Variants in A2ML1 observed in about 807,000 individuals in gnomAD.
The protein encoded by A2ML1 is alpha-2-macroglobulin-like protein 1.
In A2ML1, 161 loss-of-function variants were observed where a neutral mutation model predicts 181.9. The observed-to-expected ratio is 0.89, with a 90% CI of 0.78 to 1.01. The LOEUF (loss-of-function observed/expected upper bound fraction) is 1.01, where lower values mean the gene tolerates loss of function less well. Among genes scored for constraint, A2ML1 ranks in the 50% least tolerant of loss-of-function variants. A2ML1 has a pLI of 0.00. For synonymous variants in A2ML1, 663 were observed against 666.8 expected (o/e 0.99, Z 0.09); for missense variants, 1,670 against 1,768.1 (o/e 0.94, Z 1.00).
At chr12:8,844,720 T>C (rs1000898931) in intron 12 of A2ML1, among the ~76,000 whole-genome samples, 4 of 151,890 alleles carry the variant, frequency 2.6e-5, no homozygotes, top group Admixed American at 2.0e-4. Context: ...AAAATCATCC[T>C]AATACAACGA....
chr12:8,860,671 G>A (rs1320938608), intron 26 of A2ML1, among the ~76,000 whole-genome samples: 1 of 152,098 alleles, frequency 6.6e-6, no homozygotes, highest in Non-Finnish European at 1.5e-5. Flanking sequence ...GCTGTTTAAG[G>A]CTGTGCAGTT....
intron 15 of A2ML1, among the ~76,000 whole-genome samples, chr12:8,848,063 G>A (rs764656661): frequency 1.3e-5 from 2 of 150,026 alleles, no homozygotes; most frequent in Non-Finnish European, 3.0e-5. Context: ...AGAATCACTT[G>A]AACCTGGGAG....
rs1283152406 is a variant in A2ML1 at position 8,860,057 on chromosome 12, T to C, written c.3265-824T>C. ...TTTATTTATTTACTTATTCATTTTT[T>C]TGAGACAGGGTCTCACTCTGTCACC... is the stretch of plus-strand genomic sequence containing the variant. On this transcript the variant is annotated intron_variant, in intron 26 of 35. Coordinates refer to ENST00000299698, the MANE Select transcript of A2ML1 (RefSeq NM_144670.6). Among the ~76,000 whole-genome samples, 6 of 152,268 alleles carry C rather than the reference T, an allele frequency of 3.9e-5. No homozygotes were observed. The East Asian group carries it at 1.2e-3, about 29-fold the overall frequency.
chr12:8,836,140 C>T (rs1943267493), intron 6 of A2ML1, 115 bp from the exon 7 acceptor site: 4 of 717,738 alleles, frequency 5.6e-6, no homozygotes. Context: ...CTAAATAATG[C>T]CTCCTTCATT....
rs1023528387 is a variant in A2ML1, at chr12:8,823,516, A to G, written c.246+151A>G. The G allele has an allele frequency of 1.9e-5, 21 of 1,081,548 alleles. No homozygotes were observed. In the East Asian group the frequency reaches 3.4e-4, roughly 17 times the overall value. 67.0% of individuals were successfully genotyped at this position (1,081,548 alleles called of 1,614,324 possible). On this transcript the variant is annotated intron_variant, in intron 2 of 35. Transcript: ENST00000299698. ...CAACTTAACCTCAATCCCCGGCTAT[A>G]ACTCACCCACGGTTTCCTCGACCTA...
chr12:8,857,175 G>T lies in A2ML1; in HGVS notation c.2860G>T (p.Gly954Cys). The T allele has an allele frequency of 6.2e-7, 1 of 1,611,972 alleles. No individual in the cohort carries two copies. The highest frequency in any genetic ancestry group is 8.5e-7 in the Non-Finnish European group (1 of 1,179,776). ...CTTTTGGATCCCAGGAGACATTATG[G>T]GCACAGCCCTGCAGAACCTGGATGG... ...AYVTVLGDIM[G>C]TALQNLDGLV... Residue 954 changes from glycine (G) to cysteine (C), a missense_variant, in exon 24 of 36, where the codon GGC becomes TGC. Gly to Cys is a radical substitution (Grantham distance 159, BLOSUM62 -3). Coordinates refer to ENST00000299698, the MANE Select transcript of A2ML1 (RefSeq NM_144670.6).
chr12:8,841,143 C>A (rs146911059), intron 10 of A2ML1, among the ~76,000 whole-genome samples: 41 of 152,302 alleles, frequency 2.7e-4, no homozygotes, highest in African/African-American at 9.4e-4. Flanking sequence ...CTGCTCTGGG[C>A]TGTTACTTCT....
chr12:8,850,344 G>T, intron 18 of A2ML1, 70 bp downstream of exon 18: 1 of 1,161,824 alleles, frequency 8.6e-7, no homozygotes, highest in Non-Finnish European at 1.2e-6. Context: ...CAACACTTTG[G>T]GAGGCTTAGG....
intron 28 of A2ML1, 128 bp downstream of exon 28, chr12:8,861,425 T>G: frequency 8.8e-7 from 1 of 1,130,392 alleles, no homozygotes; most frequent in Non-Finnish European, 1.3e-6. Context: ...TATTAAGTCA[T>G]CAAATTATTG....
downstream of A2ML1, chr12:8,887,089 T>C (rs1389797934): frequency 1.3e-5 from 2 of 150,638 alleles, no homozygotes; most frequent in East Asian, 3.9e-4. Context: ...GCCCAGGAGG[T>C]CGAGCCAAGA....
chr12:8,867,593 G>T (rs1227888500), intron 29 of A2ML1, among the ~76,000 whole-genome samples: 2 of 151,972 alleles, frequency 1.3e-5, no homozygotes, highest in Non-Finnish European at 2.9e-5. Context: ...GTTGCAATGA[G>T]CTGAGATCGT....
chr12:8,857,096 G>C (rs775345871), intron 23 of A2ML1, 68 bp from the exon 24 acceptor site: 11 of 1,454,014 alleles, frequency 7.6e-6, no homozygotes, highest in Non-Finnish European at 9.4e-6. Flanking sequence ...TTCAGTGAAT[G>C]ATGATAACTC....
At chr12:8,829,693 A>T in intron 3 of A2ML1, 34 bp from the exon 4 acceptor site, 1 of 1,592,852 alleles carries the variant, frequency 6.3e-7, no homozygotes, top group Non-Finnish European at 8.6e-7. Context: ...GCCAGGAAAC[A>T]TCCCCTTTGC....
intron 11 of A2ML1, among the ~76,000 whole-genome samples, chr12:8,842,438 C>T (rs1426266300): frequency 6.6e-6 from 1 of 152,064 alleles, no homozygotes; most frequent in Non-Finnish European, 1.5e-5. Context: ...CCAGGATGGT[C>T]TCGATCTCCT....
Position 8,847,714 on chromosome 12 carries a change from C to T in A2ML1, c.1833+16C>T. On this transcript the variant is annotated intron_variant, in intron 15 of 35. Transcript: ENST00000299698. ...CAACCGCTCTGTGAGTAACTGTCTG[C>T]TGACAGAGTGGGAGGAGGGAGTTGA... 6.2e-7 allele frequency: 1 copy of T among 1,603,104 alleles called. No individual in the cohort carries two copies. Among genetic ancestry groups the T allele is most frequent in the East Asian group, 2.3e-5 (1 of 44,278 alleles).
In A2ML1 at chr12:8,863,938, C is replaced by T. The variant is rs1041548414; in HGVS notation, c.3647C>T (p.Ala1216Val). ...CCCAGCCTGACTCAAAAGGAGATAGCGAAGGCCACTAGCATAGTGGCTTGG... is the reference window on the plus strand; with the variant it reads ...CCCAGCCTGACTCAAAAGGAGATAGTGAAGGCCACTAGCATAGTGGCTTGG... ...TKPSLTQKEIAKATSIVAWLA... is the reference protein window; with the variant it reads ...TKPSLTQKEIVKATSIVAWLA... The change falls in exon 29 of 36, where the codon GCG (alanine) becomes GTG (valine). Residue 1216 changes from alanine (A) to valine (V), a missense_variant. Coordinates refer to ENST00000299698, the MANE Select transcript of A2ML1 (RefSeq NM_144670.6). 3.7e-6 allele frequency: 6 copies of T among 1,613,814 alleles called. No individual in the cohort carries two copies. Among genetic ancestry groups the T allele is most frequent in the East Asian group, 2.2e-5 (1 of 44,890 alleles).
chr12:8,840,853 G>C (rs1427304422), intron 10 of A2ML1, among the ~76,000 whole-genome samples: 1 of 151,378 alleles, frequency 6.6e-6, no homozygotes, highest in Non-Finnish European at 1.5e-5. Context: ...GTTGCAGTGA[G>C]CTGAGCTCGT....
rs1468001187 is a variant in A2ML1, at chr12:8,868,254, C to T, written c.3958C>T (p.Pro1320Ser). The T allele has an allele frequency of 6.2e-7, 1 of 1,613,790 alleles. No homozygotes were observed. The highest frequency in any genetic ancestry group is 8.5e-7 in the Non-Finnish European group (1 of 1,179,976). ...VQTVLRYNIL[P>S]PTNMKTFSLS... ...GACGGTGTTGAGATACAATATTCTC[C>T]CTCCCACAAATATGAAGACCTTTAG... is the stretch of plus-strand genomic sequence containing the variant. The change falls in exon 31 of 36, where the codon CCT becomes TCT. Residue 1320 changes from proline (P) to serine (S), a missense_variant. By Grantham distance (74) the Pro-to-Ser change is moderately conservative. Coordinates refer to ENST00000299698, the MANE Select transcript of A2ML1 (RefSeq NM_144670.6).
chr12:8,885,026 T>C (rs1944908598), intron 7 of A2ML1, among the ~76,000 whole-genome samples: 1 of 152,232 alleles, frequency 6.6e-6, no homozygotes, highest in Non-Finnish European at 1.5e-5. Flanking sequence ...TATATTCCTC[T>C]GGGTATATAT....
Sources: gnomAD v4.1 joint callset for allele counts (sites outside exome capture counted in the v4.1 genomes callset) on GRCh38, gnomAD v4.1.1 for gene constraint, MANE v1.5 for transcripts, NCBI Gene and HGNC (gene_info 2026-07-23, HGNC 2026-07-21) for gene names.